The following UNC5C variants were observed in gnomAD, a reference collection of about 807,000 sequenced individuals.
UNC5C encodes the protein unc-5 netrin receptor C, also known as netrin receptor UNC5C.
Under a neutral mutation model 99.8 loss-of-function variants are expected in UNC5C, and 47 were observed. That is an observed-to-expected ratio of 0.47 (90% CI 0.37 to 0.60). UNC5C has a LOEUF of 0.60. UNC5C is among the 20% of genes least tolerant of loss of function. The pLI is 0.00. For synonymous variants in UNC5C, 487 were observed against 452.2 expected (o/e 1.08, Z -0.98); for missense variants, 1,062 against 1,165.9 (o/e 0.91, Z 1.30).
At chr4:95,333,472 C>G (rs975223597) in intron 2 of UNC5C, among the ~76,000 whole-genome samples, 1 of 149,226 alleles carries the variant, frequency 6.7e-6, no homozygotes, top group African/African-American at 2.5e-5. Flanking sequence ...ATCACAAGGA[C>G]AAAAAACCAA....
intron 1 of UNC5C, among the ~76,000 whole-genome samples, chr4:95,465,185 A>C (rs924152577): frequency 2.6e-5 from 4 of 152,178 alleles, no homozygotes; most frequent in Non-Finnish European, 5.9e-5. Flanking sequence ...ACAAACAGCC[A>C]CAAAGACAGA....
chr4:95,416,007 C>A (rs757326555), intron 1 of UNC5C, among the ~76,000 whole-genome samples: 1 of 151,232 alleles, frequency 6.6e-6, no homozygotes, highest in Admixed American at 6.6e-5. Context: ...TCATATAAAA[C>A]GTGATGGAAA....
At chr4:95,380,171 C>T (rs755439471) in intron 1 of UNC5C, among the ~76,000 whole-genome samples, 18 of 152,054 alleles carry the variant, frequency 1.2e-4, no homozygotes, top group Non-Finnish European at 2.5e-4. Context: ...GTCCCATTTT[C>T]TCATGCTCTT....
intron 1 of UNC5C, among the ~76,000 whole-genome samples, chr4:95,406,971 G>A (rs770252334): frequency 2.6e-5 from 4 of 152,070 alleles, no homozygotes; most frequent in African/African-American, 9.7e-5. Context: ...AATGTTAAAT[G>A]GACATTTTTA....
intron 1 of UNC5C, among the ~76,000 whole-genome samples, chr4:95,381,374 G>T (rs1379129801): frequency 6.6e-6 from 1 of 152,194 alleles, no homozygotes; most frequent in East Asian, 1.9e-4. Context: ...AGGAAAACGT[G>T]TGTATGTGTG....
At chr4:95,199,512 ATGATACAAAC>A (rs1737568024) in intron 12 of UNC5C, among the ~76,000 whole-genome samples, 1 of 152,230 alleles carries the variant, frequency 6.6e-6, no homozygotes, top group Non-Finnish European at 1.5e-5. Flanking sequence ...AGCATTGACC[ATGATACAAAC>A]TGCTCTTGAG....
At chr4:95,189,155 T>G (rs1254559981) in intron 12 of UNC5C, among the ~76,000 whole-genome samples, 2 of 152,324 alleles carry the variant, frequency 1.3e-5, no homozygotes, top group African/African-American at 4.8e-5. Flanking sequence ...GCAGAAGTTG[T>G]CCTTCCTACT....
At chr4:95,468,982 G>A (rs1747883805) in intron 1 of UNC5C, among the ~76,000 whole-genome samples, 2 of 152,144 alleles carry the variant, frequency 1.3e-5, no homozygotes, top group Non-Finnish European at 1.5e-5. Context: ...ACAAAAGACT[G>A]TCAGCTGATG....
chr4:95,224,238 G>T (rs556640849), intron 7 of UNC5C, among the ~76,000 whole-genome samples: 1 of 152,296 alleles, frequency 6.6e-6, no homozygotes, highest in South Asian at 2.1e-4. Flanking sequence ...AGCAGAGATT[G>T]CGCCACTGCA....
At chr4:95,192,961 T>C (rs958938060) in intron 12 of UNC5C, among the ~76,000 whole-genome samples, 1 of 152,210 alleles carries the variant, frequency 6.6e-6, no homozygotes, top group Non-Finnish European at 1.5e-5. Flanking sequence ...TTTCTTTCCC[T>C]TTTTAGAAAC....
chr4:95,275,214 A>G (rs1468234928), intron 4 of UNC5C, among the ~76,000 whole-genome samples: 1 of 152,196 alleles, frequency 6.6e-6, no homozygotes. Flanking sequence ...TAGAGAACAT[A>G]GGAGAGAATC....
intron 3 of UNC5C, among the ~76,000 whole-genome samples, chr4:95,293,560 T>G (rs921466616): frequency 2.0e-5 from 3 of 152,072 alleles, no homozygotes; most frequent in Non-Finnish European, 2.9e-5. Context: ...GTGCAAGTGA[T>G]CCTCCCACCT....
intron 10 of UNC5C, among the ~76,000 whole-genome samples, chr4:95,207,471 A>T (rs1737922838): frequency 6.6e-6 from 1 of 152,198 alleles, no homozygotes; most frequent in Non-Finnish European, 1.5e-5. Flanking sequence ...ATTGCCTTTA[A>T]TCTTTTCCCT....
In UNC5C at chr4:95,170,228, G is replaced by C. The variant is rs1040350383; in HGVS notation, c.2556C>G (p.Leu852=). 1.2e-6 allele frequency: 2 copies of C among 1,614,178 alleles called. No homozygotes were observed. The highest frequency in any genetic ancestry group is 1.7e-6 in the Non-Finnish European group (2 of 1,180,044). The change falls in exon 15 of 16, where the codon CTC becomes CTG. Residue 852 remains leucine (L), a synonymous_variant. Coordinates refer to ENST00000453304, the MANE Select transcript of UNC5C (RefSeq NM_003728.4). ...TCTGGGGGGCATCCAGGCTGCTACA[G>C]AGCTTCTGCCGGATAGGGAGAGGGA... The part of the protein sequence containing the change: ...FSIPLPIRQK[L]CSSLDAPQTR...
chr4:95,383,764 A>G (rs1049514951), intron 1 of UNC5C, among the ~76,000 whole-genome samples: 2 of 152,144 alleles, frequency 1.3e-5, no homozygotes, highest in Non-Finnish European at 2.9e-5. Flanking sequence ...GATAAAATTG[A>G]CATCCATATT....
chr4:95,234,793 A>T (rs1739050352), intron 7 of UNC5C, among the ~76,000 whole-genome samples: 1 of 152,214 alleles, frequency 6.6e-6, no homozygotes, highest in Non-Finnish European at 1.5e-5. Flanking sequence ...TATATATTAT[A>T]TGTTACACAG....
At chr4:95,517,425 G>A (rs1002265371) in intron 1 of UNC5C, among the ~76,000 whole-genome samples, 4 of 151,758 alleles carry the variant, frequency 2.6e-5, no homozygotes, top group Admixed American at 1.3e-4. Context: ...ACAATGAAAG[G>A]AAAAAGAGGG....
chr4:95,277,859 G>A (rs1740917297), intron 4 of UNC5C, among the ~76,000 whole-genome samples: 1 of 152,136 alleles, frequency 6.6e-6, no homozygotes, highest in Non-Finnish European at 1.5e-5. Flanking sequence ...TATGTAAGGT[G>A]CACAGGCTCA....
intron 1 of UNC5C, among the ~76,000 whole-genome samples, chr4:95,354,036 CT>C (rs1198446135): frequency 6.6e-6 from 1 of 152,082 alleles, no homozygotes; most frequent in Non-Finnish European, 1.5e-5. Context: ...TAAGAATTAT[CT>C]TTGACTCTTT....
Sources: allele counts gnomAD v4.1 joint callset (sites outside exome capture counted in the v4.1 genomes callset), GRCh38; gene constraint gnomAD v4.1.1; transcripts MANE v1.5; gene names NCBI Gene and HGNC (gene_info 2026-07-23, HGNC 2026-07-21).